The following XYLT1 variants were observed in gnomAD, a reference collection of about 807,000 sequenced individuals.
The protein encoded by XYLT1 is beta-D-xylosyltransferase 1.
Under a neutral mutation model 91.3 loss-of-function variants are expected in XYLT1, and 36 were observed. That is an observed-to-expected ratio of 0.39 (90% CI 0.30 to 0.52). The LOEUF (loss-of-function observed/expected upper bound fraction) is 0.52. Among genes scored for constraint, XYLT1 ranks in the 20% least tolerant of loss-of-function variants. The pLI is 0.68. For synonymous variants in XYLT1, 588 were observed against 532.0 expected (o/e 1.11, Z -1.45); for missense variants, 1,242 against 1,284.5 (o/e 0.97, Z 0.51).
In XYLT1 at chr16:17,344,257, C is replaced by T. The variant is rs368653162; in HGVS notation, c.402+13755G>A. Among the ~76,000 whole-genome samples, 523 of 150,664 alleles carry T rather than the reference C, an allele frequency of 3.5e-3. 1 individual carries two copies. Among genetic ancestry groups the T allele is most frequent in the Non-Finnish European group, 4.5e-3 (307 of 67,770 alleles). On this transcript the variant is annotated intron_variant, in intron 2 of 11. Transcript: ENST00000261381. ...CAGCACTTTGGGAGGCCAAGGCGGG[C>T]GGATCACGAGGTCAGGAGATTGAGA...
intron 11 of XYLT1, among the ~76,000 whole-genome samples, chr16:17,112,123 C>CA (rs539158544): frequency 8.2e-4 from 124 of 152,038 alleles, no homozygotes; most frequent in African/African-American, 2.5e-3. Context: ...GTGGTTGATG[C>CA]AAAAAAACCC....
intron 3 of XYLT1, among the ~76,000 whole-genome samples, chr16:17,256,143 C>A (rs1300826256): frequency 6.6e-6 from 1 of 152,116 alleles, no homozygotes; most frequent in African/African-American, 2.4e-5. Flanking sequence ...GATGGGGGGG[C>A]CATAAGGAAG....
At chr16:17,380,022 TC>T (rs2035659946) in intron 1 of XYLT1, among the ~76,000 whole-genome samples, 1 of 152,132 alleles carries the variant, frequency 6.6e-6, no homozygotes, top group Non-Finnish European at 1.5e-5. Flanking sequence ...GAGCAGTGCC[TC>T]ACACCTGTAA....
At chr16:17,213,534 A>C (rs553537188) in intron 3 of XYLT1, among the ~76,000 whole-genome samples, 1 of 152,252 alleles carries the variant, frequency 6.6e-6, no homozygotes, top group East Asian at 1.9e-4. Flanking sequence ...ATGCTGCAGA[A>C]CTGGGATTCA....
At chr16:17,268,149 T>C (rs1268952815) in intron 2 of XYLT1, among the ~76,000 whole-genome samples, 1 of 152,222 alleles carries the variant, frequency 6.6e-6, no homozygotes, top group Non-Finnish European at 1.5e-5. Context: ...CCACTGCACG[T>C]CATACTGCAT....
chr16:17,404,619 A>G (rs1567191152), intron 1 of XYLT1, among the ~76,000 whole-genome samples: 1 of 152,224 alleles, frequency 6.6e-6, no homozygotes, highest in Admixed American at 6.5e-5. Context: ...CCACTCATGC[A>G]TGCAACAACA....
intron 4 of XYLT1, among the ~76,000 whole-genome samples, chr16:17,199,122 T>C (rs945961146): frequency 6.6e-6 from 1 of 152,216 alleles, no homozygotes; most frequent in Non-Finnish European, 1.5e-5. Flanking sequence ...TCTAAACCCA[T>C]GTATATTTCG....
At chr16:17,338,622 A>C (rs537887144) in intron 2 of XYLT1, 4 of 391,742 alleles carry the variant, frequency 1.0e-5, no homozygotes, top group Non-Finnish European at 2.0e-5. Context: ...GCCTGCTCAC[A>C]TTCACCCTTT....
intron 1 of XYLT1, among the ~76,000 whole-genome samples, chr16:17,444,213 C>CA (rs1440389360): frequency 1.3e-5 from 2 of 152,224 alleles, no homozygotes; most frequent in African/African-American, 2.4e-5. Flanking sequence ...CTCAGCCCAC[C>CA]ATAGTCACCG....
intron 10 of XYLT1, among the ~76,000 whole-genome samples, chr16:17,121,060 T>C (rs1395166064): frequency 2.0e-5 from 3 of 152,308 alleles, no homozygotes; most frequent in Admixed American, 6.5e-5. Context: ...TGAACACATA[T>C]TGAATGAGTA....
intron 2 of XYLT1, among the ~76,000 whole-genome samples, chr16:17,310,238 C>T (rs1338891486): frequency 2.0e-5 from 3 of 152,166 alleles, no homozygotes; most frequent in Non-Finnish European, 4.4e-5. Flanking sequence ...GGTTTTCACT[C>T]ACACCAGGAC....
intron 1 of XYLT1, among the ~76,000 whole-genome samples, chr16:17,377,038 A>G (rs1004225487): frequency 1.3e-5 from 2 of 151,808 alleles, no homozygotes; most frequent in Non-Finnish European, 2.9e-5. Context: ...TTAGCCGGGC[A>G]TGGTGGCACA....
At chr16:17,415,535 A>C (rs1354542980) in intron 1 of XYLT1, among the ~76,000 whole-genome samples, 1 of 152,184 alleles carries the variant, frequency 6.6e-6, no homozygotes, top group Non-Finnish European at 1.5e-5. Context: ...ACTAAAAAAT[A>C]CAAAAAATTA....
At chr16:17,186,737 C>T (rs948057654) in intron 5 of XYLT1, among the ~76,000 whole-genome samples, 3 of 152,112 alleles carry the variant, frequency 2.0e-5, no homozygotes, top group Non-Finnish European at 4.4e-5. Flanking sequence ...TGACGCATGA[C>T]GGGTGCTCAG....
intron 5 of XYLT1, among the ~76,000 whole-genome samples, chr16:17,184,947 T>A (rs996868154): frequency 1.3e-5 from 2 of 152,242 alleles, no homozygotes; most frequent in Admixed American, 1.3e-4. Context: ...GATGATGGCA[T>A]CCCTTGGGTG....
At chr16:17,138,054 G>A (rs916219775) in intron 8 of XYLT1, among the ~76,000 whole-genome samples, 2 of 149,460 alleles carry the variant, frequency 1.3e-5, no homozygotes, top group Admixed American at 1.3e-4. Context: ...ATATGAGTAT[G>A]GCCTTTGGAA....
At chr16:17,443,976 C>T (rs2036562266) in intron 1 of XYLT1, among the ~76,000 whole-genome samples, 1 of 152,188 alleles carries the variant, frequency 6.6e-6, no homozygotes, top group Non-Finnish European at 1.5e-5. Flanking sequence ...ACTGACCCCT[C>T]TTCCTTTCCC....
intron 2 of XYLT1, among the ~76,000 whole-genome samples, chr16:17,272,001 G>A (rs1040427607): frequency 1.3e-5 from 2 of 152,128 alleles, no homozygotes; most frequent in African/African-American, 4.8e-5. Flanking sequence ...TGGCTGGGGT[G>A]ACCAGGGAGA....
At chr16:17,272,035 G>A (rs2033902833) in intron 2 of XYLT1, among the ~76,000 whole-genome samples, 1 of 152,146 alleles carries the variant, frequency 6.6e-6, no homozygotes. Flanking sequence ...TGAGGAAAGC[G>A]GGAGAAGTTA....
Sources: gnomAD v4.1 joint callset for allele counts (sites outside exome capture counted in the v4.1 genomes callset) on GRCh38, gnomAD v4.1.1 for gene constraint, MANE v1.5 for transcripts, NCBI Gene and HGNC (gene_info 2026-07-23, HGNC 2026-07-21) for gene names.